Variants in ADGRA3 observed in about 807,000 individuals in gnomAD.
ADGRA3 encodes the protein G-protein coupled receptor 125.
In ADGRA3, 56 loss-of-function variants were observed where a neutral mutation model predicts 119.8. That is an observed-to-expected ratio of 0.47 (90% confidence interval 0.38 to 0.58). The LOEUF (loss-of-function observed/expected upper bound fraction) is 0.58. Ranked by LOEUF, ADGRA3 falls within the 20% of genes least tolerant of loss-of-function variation. ADGRA3 has a pLI of 0.00. For missense variants in ADGRA3, 1,516 were observed against 1,649.0 expected (o/e 0.92, Z 1.40); for synonymous variants, 607 against 623.8 (o/e 0.97, Z 0.40).
intron 1 of ADGRA3, among the ~76,000 whole-genome samples, chr4:22,509,318 T>C (rs139194290): frequency 0.064 from 9,725 of 151,268 alleles, 605 homozygotes; most frequent in African/African-American, 0.16. Context: ...CTAGCCAACA[T>C]GGTGAAACCC....
At chr4:22,487,595 C>G (rs1249500777) in intron 1 of ADGRA3, among the ~76,000 whole-genome samples, 1 of 152,026 alleles carries the variant, frequency 6.6e-6, no homozygotes, top group East Asian at 1.9e-4. Context: ...TAAGTGGTAT[C>G]TAATGACAAA....
chr4:22,507,592 T>C (rs756564327), intron 1 of ADGRA3, among the ~76,000 whole-genome samples: 20 of 152,206 alleles, frequency 1.3e-4, no homozygotes, highest in Non-Finnish European at 1.8e-4. Context: ...TCGTTTGTTT[T>C]GGGACTTGGT....
rs559078450 is a variant in ADGRA3 at position 22,426,148 on chromosome 4, G to C, written c.1444-1796C>G. 3.9e-5 allele frequency among the ~76,000 whole-genome samples: 6 copies of C among 152,218 alleles called. No individual in the cohort carries two copies. In the South Asian group the frequency reaches 1.2e-3, roughly 32 times the overall value. ...CTCTCTTTTAAGATGATAGACTCTAGAGGTAGTAGAAGGGTTGTATTTGTA... is the reference window on the plus strand; with the variant it reads ...CTCTCTTTTAAGATGATAGACTCTACAGGTAGTAGAAGGGTTGTATTTGTA... On this transcript the variant is annotated intron_variant, in intron 10 of 18. Transcript: ENST00000334304.
At chr4:22,433,623 T>C (rs951357704) in intron 10 of ADGRA3, among the ~76,000 whole-genome samples, 1 of 152,166 alleles carries the variant, frequency 6.6e-6, no homozygotes, top group African/African-American at 2.4e-5. Context: ...GTTGCTCAAG[T>C]TGGGAGGTGA....
chr4:22,390,587 TC>T (rs1333161531), intron 17 of ADGRA3, among the ~76,000 whole-genome samples: 2 of 151,758 alleles, frequency 1.3e-5, no homozygotes, highest in African/African-American at 4.8e-5. Flanking sequence ...CTGTACCCAC[TC>T]ACCACCATGA....
At chr4:22,439,021 G>C (rs1464076694) in intron 7 of ADGRA3, among the ~76,000 whole-genome samples, 1 of 151,972 alleles carries the variant, frequency 6.6e-6, no homozygotes, top group African/African-American at 2.4e-5. Context: ...AAAAAGAACA[G>C]GAATGGCAAG....
intron 6 of ADGRA3, among the ~76,000 whole-genome samples, chr4:22,444,667 T>C (rs530687309): frequency 1.3e-5 from 2 of 152,114 alleles, no homozygotes; most frequent in Non-Finnish European, 2.9e-5. Context: ...ATTGTGTTAC[T>C]ACAGACAAAT....
chr4:22,513,871 A>AC, intron 1 of ADGRA3, among the ~76,000 whole-genome samples: 1 of 124,104 alleles, frequency 8.1e-6, no homozygotes, highest in South Asian at 2.7e-4. Context: ...AAAAAAAAAA[A>AC]AAACTGGATT....
rs770123865 is a variant in ADGRA3, at chr4:22,515,637, G to C, written c.148C>G (p.Arg50Gly). The part of the protein sequence containing the change: ...PAGCKHDGRP[R>G]GAGRAAGAAE... ...GCGCCCGCCGCCCTGCCAGCCCCTC[G>C]GGGCCGCCCATCGTGCTTGCAGCCG... Residue 50 changes from arginine (R) to glycine (G), a missense_variant, in exon 1 of 19, where the codon CGA becomes GGA. By Grantham distance (125) the Arg-to-Gly change is moderately radical. Coordinates refer to ENST00000334304, the MANE Select transcript of ADGRA3 (RefSeq NM_145290.4). 311 of 1,456,916 alleles carry C rather than the reference G, an allele frequency of 2.1e-4. No individual in the cohort carries two copies. The highest frequency in any genetic ancestry group is 1.1e-3 in the South Asian group (77 of 71,778). The allele number at this position is 1,456,916 out of a possible 1,614,324, so 90.2% of individuals were successfully genotyped here.
At chr4:22,495,770 G>A (rs1218713719) in intron 1 of ADGRA3, among the ~76,000 whole-genome samples, 7 of 152,090 alleles carry the variant, frequency 4.6e-5, no homozygotes, top group Admixed American at 2.6e-4. Flanking sequence ...TTAGCCGGGC[G>A]TGGTGGCCGG....
At chr4:22,402,903 C>G in intron 14 of ADGRA3, 104 bp from the exon 15 acceptor site, 1 of 1,066,882 alleles carries the variant, frequency 9.4e-7, no homozygotes, top group Non-Finnish European at 1.4e-6. Flanking sequence ...AAAACTCTGG[C>G]CCTTATGTCT....
intron 1 of ADGRA3, among the ~76,000 whole-genome samples, chr4:22,497,433 G>A (rs1450074358): frequency 1.3e-5 from 2 of 152,086 alleles, no homozygotes; most frequent in South Asian, 4.1e-4. Context: ...GAAGCAGGCT[G>A]GTCTACTCAC....
chr4:22,468,823 G>A (rs1717755744), intron 2 of ADGRA3, among the ~76,000 whole-genome samples: 1 of 151,478 alleles, frequency 6.6e-6, no homozygotes, highest in Admixed American at 6.6e-5. Flanking sequence ...CTATAGACTA[G>A]TGAACACATG....
chr4:22,471,824 C>G (rs56029242), intron 2 of ADGRA3, among the ~76,000 whole-genome samples: 1,924 of 152,212 alleles, frequency 0.013, 41 homozygotes, highest in African/African-American at 0.043. Flanking sequence ...AATAAACATA[C>G]CCCTGGCTGA....
Position 22,387,614 on chromosome 4 carries a change from G to A in ADGRA3, c.*91C>T. ...ATTCCAAATTCTTTTGAATCCCTAT[G>A]GTGGCTGTAAACAGTTTTTAAATGC... On this transcript the variant is annotated 3_prime_UTR_variant, in exon 19 of 19. Transcript: ENST00000334304. 8.0e-7 allele frequency: 1 copy of A among 1,250,586 alleles called. No homozygotes were observed. Among genetic ancestry groups the A allele is most frequent in the East Asian group, 2.4e-5 (1 of 42,202 alleles). 77.5% of individuals were successfully genotyped at this position (1,250,586 alleles called of 1,614,324 possible).
At chr4:22,438,529 G>A (rs1287238683) in intron 7 of ADGRA3, 109 bp from the exon 8 acceptor site, 2 of 790,746 alleles carry the variant, frequency 2.5e-6, no homozygotes, top group Non-Finnish European at 2.0e-6. Context: ...GCATATTGTG[G>A]GGTAAGCACT....
intron 16 of ADGRA3, chr4:22,398,253 T>A (rs1271056330): frequency 2.3e-6 from 1 of 435,736 alleles, no homozygotes; most frequent in East Asian, 1.6e-4. Flanking sequence ...ACTCTTGAGA[T>A]GCTTGAGTCA....
intron 1 of ADGRA3, among the ~76,000 whole-genome samples, chr4:22,487,139 T>G (rs7699875): frequency 0.67 from 101,470 of 152,058 alleles, 35,234 homozygotes; most frequent in East Asian, 0.91. Context: ...TCATAAACAT[T>G]CCTCTAACAT....
At chr4:22,499,960 C>CA (rs1302856786) in intron 1 of ADGRA3, among the ~76,000 whole-genome samples, 5 of 152,112 alleles carry the variant, frequency 3.3e-5, no homozygotes, top group Non-Finnish European at 7.3e-5. Flanking sequence ...GGAATATTTG[C>CA]ATTATACTTA....
Sources: gnomAD v4.1 joint callset for allele counts (sites outside exome capture counted in the v4.1 genomes callset) on GRCh38, gnomAD v4.1.1 for gene constraint, MANE v1.5 for transcripts, NCBI Gene and HGNC (gene_info 2026-07-23, HGNC 2026-07-21) for gene names.